The following SEMA3D variants were observed in gnomAD, a reference collection of about 807,000 sequenced individuals.
SEMA3D encodes semaphorin 3D, also known as semaphorin-3D.
SEMA3D carries 84 observed loss-of-function variants against 100.1 expected under a neutral mutation model. The ratio of observed to expected loss-of-function variants is 0.84; its 90% CI spans 0.70 to 1.01. The LOEUF (loss-of-function observed/expected upper bound fraction) is 1.01. Among genes scored for constraint, SEMA3D ranks in the 50% least tolerant of loss-of-function variants. The pLI is 0.00. For missense variants in SEMA3D, 875 were observed against 934.1 expected, an observed-to-expected ratio of 0.94 and a Z score of 0.82; for synonymous variants, 312 against 320.7, an observed-to-expected ratio of 0.97 and a Z score of 0.29.
the SEMA3D span, among the ~76,000 whole-genome samples, chr7:85,194,463 T>C: frequency 2.0e-5 from 3 of 151,254 alleles, no homozygotes; most frequent in Admixed American, 1.3e-4. Flanking sequence ...TAAAATTTTA[T>C]GTGTTTTTTC....
chr7:85,197,614 C>A, the SEMA3D span, among the ~76,000 whole-genome samples: 2 of 152,112 alleles, frequency 1.3e-5, no homozygotes, highest in Admixed American at 1.3e-4. Context: ...TTCTGAGGAC[C>A]TCCTGAGGGC....
At chr7:85,142,911 C>T (rs995202798) in intron 2 of SEMA3D, 1 of 985,120 alleles carries the variant, frequency 1.0e-6, no homozygotes, top group African/African-American at 1.7e-5. Flanking sequence ...AAGACTTTCT[C>T]TGGGAATCCC....
At chr7:85,155,528 A>T (rs902324615) in intron 1 of SEMA3D, among the ~76,000 whole-genome samples, 2 of 152,168 alleles carry the variant, frequency 1.3e-5, no homozygotes, top group Non-Finnish European at 2.9e-5. Flanking sequence ...GGGGTGTAAC[A>T]TGCAAAAGTA....
the SEMA3D span, among the ~76,000 whole-genome samples, chr7:85,199,743 G>T: frequency 1.4e-3 from 210 of 152,078 alleles, no homozygotes; most frequent in African/African-American, 4.7e-3. Context: ...TGTTAATTTT[G>T]AATAGATATG....
At chr7:85,121,714 C>A in intron 3 of SEMA3D, 27 bp downstream of exon 3, 2 of 1,275,780 alleles carry the variant, frequency 1.6e-6, no homozygotes, top group South Asian at 3.0e-5. Context: ...TCTTAATAAA[C>A]AATTTAGAAA....
At chr7:85,191,554 C>T (rs147633514), upstream of SEMA3D, among the ~76,000 whole-genome samples, 275 of 152,124 alleles carry the variant, frequency 1.8e-3, 4 homozygotes, top group Non-Finnish European at 9.4e-4. Context: ...GTATGAGTGA[C>T]GAAATAAAGA....
chr7:85,210,752 T>C, the SEMA3D span, among the ~76,000 whole-genome samples: 4 of 152,052 alleles, frequency 2.6e-5, no homozygotes, highest in African/African-American at 4.8e-5. Context: ...AAAGTTGCTA[T>C]GTTAGGCTAT....
the SEMA3D span, among the ~76,000 whole-genome samples, chr7:85,228,243 TATTCTGC>T: frequency 6.6e-6 from 1 of 152,168 alleles, no homozygotes; most frequent in Non-Finnish European, 1.5e-5. Flanking sequence ...AGCCAGTAAG[TATTCTGC>T]ACACTACAAA....
At chr7:85,125,830 G>A (rs1258968002) in intron 2 of SEMA3D, among the ~76,000 whole-genome samples, 1 of 151,406 alleles carries the variant, frequency 6.6e-6, no homozygotes, top group Non-Finnish European at 1.5e-5. Flanking sequence ...TGTGTGTTGT[G>A]CATCTGGGAT....
At chr7:85,102,887 C>T (rs1788792751) in intron 3 of SEMA3D, among the ~76,000 whole-genome samples, 1 of 151,772 alleles carries the variant, frequency 6.6e-6, no homozygotes, top group Admixed American at 6.6e-5. Context: ...AGTTTCAAAC[C>T]AACTTTACAA....
chr7:85,206,215 A>G, the SEMA3D span, among the ~76,000 whole-genome samples: 1 of 152,118 alleles, frequency 6.6e-6, no homozygotes, highest in Non-Finnish European at 1.5e-5. Flanking sequence ...TACATTTGAC[A>G]ACATCATGAC....
chr7:85,030,741 A>G (rs985668069), intron 12 of SEMA3D, among the ~76,000 whole-genome samples: 1 of 152,062 alleles, frequency 6.6e-6, no homozygotes, highest in Non-Finnish European at 1.5e-5. Flanking sequence ...CATCAGTTAT[A>G]AAAAACCAAC....
At chr7:85,211,945 G>T in the SEMA3D span, among the ~76,000 whole-genome samples, 1 of 152,054 alleles carries the variant, frequency 6.6e-6, no homozygotes, top group South Asian at 2.1e-4. Flanking sequence ...TATGTTATCT[G>T]TAAGACTTAT....
At chr7:85,062,366 G>C (rs1204040648) in intron 8 of SEMA3D, among the ~76,000 whole-genome samples, 1 of 152,150 alleles carries the variant, frequency 6.6e-6, no homozygotes, top group Non-Finnish European at 1.5e-5. Flanking sequence ...CAATAAACCA[G>C]AGATGAGGTA....
chr7:85,098,621 A>T (rs1022280720), intron 3 of SEMA3D, among the ~76,000 whole-genome samples: 1 of 151,878 alleles, frequency 6.6e-6, no homozygotes, highest in Non-Finnish European at 1.5e-5. Flanking sequence ...TTCTCCCATC[A>T]TCAGCATCCC....
intron 18 of SEMA3D, among the ~76,000 whole-genome samples, chr7:85,005,380 TA>T (rs1240707941): frequency 6.6e-6 from 1 of 152,054 alleles, no homozygotes; most frequent in Non-Finnish European, 1.5e-5. Context: ...ATATTCAGTG[TA>T]ACTATGAATC....
At chr7:85,075,424 TA>T (rs113310937) in intron 5 of SEMA3D, among the ~76,000 whole-genome samples, 2,014 of 141,452 alleles carry the variant, frequency 0.014, 42 homozygotes, top group African/African-American at 0.041. Context: ...TGGTGATTAT[TA>T]AAAAAAAAAA....
intron 1 of SEMA3D, among the ~76,000 whole-genome samples, chr7:85,164,437 A>C (rs7798514): frequency 0.64 from 97,860 of 151,978 alleles, 32,185 homozygotes; most frequent in East Asian, 0.9. Context: ...TTTGAGCTGC[A>C]AATCTTTAAA....
intron 3 of SEMA3D, among the ~76,000 whole-genome samples, chr7:85,115,477 C>T (rs574167115): frequency 2.0e-5 from 3 of 152,274 alleles, no homozygotes; most frequent in African/African-American, 7.2e-5. Context: ...CCACGTTTGT[C>T]AATGCAGTGT....
Sources: gnomAD v4.1 joint callset for allele counts (sites outside exome capture counted in the v4.1 genomes callset) on GRCh38, gnomAD v4.1.1 for gene constraint, MANE v1.5 for transcripts, NCBI Gene and HGNC (gene_info 2026-07-23, HGNC 2026-07-21) for gene names.